CRPPA: variants seen among roughly 807,000 people sequenced by gnomAD.
The protein encoded by CRPPA is D-ribitol-5-phosphate cytidylyltransferase.
Under a neutral mutation model 52.0 loss-of-function variants are expected in CRPPA, and 43 were observed. The ratio of observed to expected loss-of-function variants is 0.83; its 90% CI spans 0.65 to 1.07. The LOEUF (loss-of-function observed/expected upper bound fraction) is 1.07. Ranked by LOEUF, CRPPA falls within the 50% of genes least tolerant of loss-of-function variation. CRPPA has a pLI of 0.00. For missense variants in CRPPA, 629 were observed against 551.7 expected, an observed-to-expected ratio of 1.14 and a Z score of -1.40; for synonymous variants, 250 against 203.5, an observed-to-expected ratio of 1.23 and a Z score of -1.94.
chr7:16,178,098 G>A (rs1781341836), intron 9 of CRPPA, among the ~76,000 whole-genome samples: 1 of 151,500 alleles, frequency 6.6e-6, no homozygotes, highest in South Asian at 2.1e-4. Flanking sequence ...AGTTTGACTA[G>A]AATTTAAGAC....
chr7:16,160,929 G>C (rs1583399065), intron 9 of CRPPA, among the ~76,000 whole-genome samples: 1 of 152,162 alleles, frequency 6.6e-6, no homozygotes, highest in East Asian at 1.9e-4. Flanking sequence ...CAGCAATTGT[G>C]AATGGGAGTT....
chr7:16,095,514 G>A (rs1157799675), intron 9 of CRPPA, among the ~76,000 whole-genome samples: 1 of 152,132 alleles, frequency 6.6e-6, no homozygotes, highest in African/African-American at 2.4e-5. Context: ...AGCTATGATA[G>A]AGTAGGGTAT....
At chr7:16,276,839 T>C (rs1228276490) in intron 6 of CRPPA, 1 of 152,232 alleles carries the variant, frequency 6.6e-6, no homozygotes. Flanking sequence ...CTATAAACTT[T>C]AAATTAAAGC....
intron 3 of CRPPA, among the ~76,000 whole-genome samples, chr7:16,351,027 G>A (rs1182299444): frequency 6.6e-6 from 1 of 151,980 alleles, no homozygotes; most frequent in East Asian, 1.9e-4. Flanking sequence ...TGATAAAGGG[G>A]ACAATTCATC....
intron 3 of CRPPA, among the ~76,000 whole-genome samples, chr7:16,349,512 C>G (rs1425187462): frequency 2.0e-5 from 3 of 152,094 alleles, no homozygotes; most frequent in Non-Finnish European, 4.4e-5. Flanking sequence ...GAACAATGGT[C>G]ATAAACATGC....
chr7:16,208,137 C>G (rs1361968646), intron 9 of CRPPA, among the ~76,000 whole-genome samples: 3 of 152,060 alleles, frequency 2.0e-5, no homozygotes, highest in African/African-American at 7.2e-5. Flanking sequence ...AATAATATAG[C>G]CTACCTATGC....
Position 16,398,539 on chromosome 7 carries a change from G to A in CRPPA, c.534+7522C>T, listed in dbSNP as rs573581195. Among the ~76,000 whole-genome samples the A allele has an allele frequency of 5.3e-5, 8 of 152,212 alleles. No individual in the cohort carries two copies. The South Asian group carries it at 1.2e-3, about 24-fold the overall frequency. ...TAGGTCCAAAATGTGACAAATGATC[G>A]ACATAAGTGACACGTGATCGTCAAG... On this transcript the variant is annotated intron_variant, in intron 2 of 9. Transcript: ENST00000407010.
intron 9 of CRPPA, among the ~76,000 whole-genome samples, chr7:16,176,606 A>G (rs1231766463): frequency 6.6e-6 from 1 of 152,144 alleles, no homozygotes; most frequent in African/African-American, 2.4e-5. Context: ...AAAGTAAAAC[A>G]GTTTAGGAGT....
At chr7:16,256,897 A>C (rs1159003359) in intron 8 of CRPPA, among the ~76,000 whole-genome samples, 1 of 152,164 alleles carries the variant, frequency 6.6e-6, no homozygotes, top group African/African-American at 2.4e-5. Context: ...TGTACCCCAG[A>C]ACTTAAAGTA....
At chr7:16,281,011 C>T (rs1784310922) in intron 5 of CRPPA, among the ~76,000 whole-genome samples, 1 of 152,114 alleles carries the variant, frequency 6.6e-6, no homozygotes, top group African/African-American at 2.4e-5. Context: ...CGGAGTGAGA[C>T]TCTGTTTCAA....
chr7:16,321,650 C>A (rs1785267521), intron 3 of CRPPA, among the ~76,000 whole-genome samples: 1 of 152,088 alleles, frequency 6.6e-6, no homozygotes, highest in Admixed American at 6.6e-5. Flanking sequence ...CTGGTGACAT[C>A]ATTACTCAAG....
chr7:16,147,105 G>A (rs1160356430), intron 9 of CRPPA, among the ~76,000 whole-genome samples: 1 of 152,170 alleles, frequency 6.6e-6, no homozygotes, highest in African/African-American at 2.4e-5. Context: ...TCTCTTGCCT[G>A]CCTGCTGCCA....
rs185617227 is a variant in CRPPA at position 16,306,601 on chromosome 7, A to T, written c.789+1922T>A. Among the ~76,000 whole-genome samples, 18 of 152,332 alleles carry T rather than the reference A, an allele frequency of 1.2e-4. No individual in the cohort carries two copies. In the East Asian group the frequency reaches 3.5e-3, roughly 29 times the overall value. On this transcript the variant is annotated intron_variant, in intron 4 of 9. Transcript: ENST00000407010. ...AATAATCACAGCTCCAAAGATGTCA[A>T]AAGTGAGACCAGGGATTATTGACAT...
intron 6 of CRPPA, chr7:16,270,194 T>C (rs1170661441): frequency 2.6e-5 from 4 of 152,150 alleles, no homozygotes; most frequent in Non-Finnish European, 5.9e-5. Flanking sequence ...GTAAGCTTAG[T>C]ATAATGGTTG....
In CRPPA at chr7:16,200,667, A is replaced by G. The variant is rs187136837; in HGVS notation, c.1251+15399T>C. On this transcript the variant is annotated intron_variant, in intron 9 of 9. Transcript: ENST00000407010. Reference sequence around the variant, plus strand: ...ATGAAAATCTGTTTACAAGAAATTTAAAGTCACAAAACTTCTCACAAGGCT... The same window carrying G: ...ATGAAAATCTGTTTACAAGAAATTTGAAGTCACAAAACTTCTCACAAGGCT... Among the ~76,000 whole-genome samples, 3 of 152,354 alleles carry G rather than the reference A, an allele frequency of 2.0e-5. No individual in the cohort carries two copies. In the East Asian group the frequency reaches 5.8e-4, roughly 29 times the overall value.
At chr7:16,235,531 T>C (rs943509125) in intron 8 of CRPPA, among the ~76,000 whole-genome samples, 8 of 152,114 alleles carry the variant, frequency 5.3e-5, no homozygotes, top group African/African-American at 1.7e-4. Flanking sequence ...ATACCCATTC[T>C]TTTACATATT....
chr7:16,226,321 T>C (rs1782650977), intron 8 of CRPPA, among the ~76,000 whole-genome samples: 1 of 151,916 alleles, frequency 6.6e-6, no homozygotes, highest in Non-Finnish European at 1.5e-5. Context: ...AAAAATATAA[T>C]AACAAGAAGT....
intron 9 of CRPPA, among the ~76,000 whole-genome samples, chr7:16,144,923 C>T (rs1782945403): frequency 6.6e-6 from 1 of 152,274 alleles, no homozygotes; most frequent in East Asian, 1.9e-4. Context: ...ACAGACTCGG[C>T]AGTGATACCT....
At chr7:16,174,633 AC>A (rs1451511835) in intron 9 of CRPPA, among the ~76,000 whole-genome samples, 1 of 151,424 alleles carries the variant, frequency 6.6e-6, no homozygotes, top group Non-Finnish European at 1.5e-5. Context: ...TAGAGGAAGT[AC>A]CCAGTTCTAA....
Sources: allele counts gnomAD v4.1 joint callset (sites outside exome capture counted in the v4.1 genomes callset), GRCh38; gene constraint gnomAD v4.1.1; transcripts MANE v1.5; gene names NCBI Gene and HGNC (gene_info 2026-07-23, HGNC 2026-07-21).